Variants in WDFY3 observed in about 807,000 individuals in gnomAD.
WDFY3 encodes the protein WD repeat and FYVE domain-containing protein 3.
In WDFY3, 66 loss-of-function variants were observed where a neutral mutation model predicts 409.6. That is an observed-to-expected ratio of 0.16 (90% CI 0.13 to 0.20). The LOEUF is 0.20. WDFY3 is among the 10% of genes least tolerant of loss of function. WDFY3 has a pLI of 1.00. For missense variants in WDFY3, 3,031 were observed against 4,298.1 expected, an observed-to-expected ratio of 0.71 and a Z score of 8.24; for synonymous variants, 1,521 against 1,537.1, an observed-to-expected ratio of 0.99 and a Z score of 0.25.
chr4:84,690,456 C>CTATGT, intron 61 of WDFY3, 50 bp downstream of exon 61: 2 of 1,613,230 alleles, frequency 1.2e-6, no homozygotes, highest in Non-Finnish European at 1.7e-6. Flanking sequence ...AGGGTGTAGG[C>CTATGT]ACAGGAGATG....
chr4:84,908,917 A>G (rs1448521788), intron 2 of WDFY3, among the ~76,000 whole-genome samples: 1 of 152,104 alleles, frequency 6.6e-6, no homozygotes. Flanking sequence ...TTAAACATCT[A>G]TTCCTAGCAC....
At chr4:84,735,284 T>C (rs1270589171) in intron 42 of WDFY3, among the ~76,000 whole-genome samples, 164 bp from the exon 43 acceptor site, 1 of 152,206 alleles carries the variant, frequency 6.6e-6, no homozygotes, top group Non-Finnish European at 1.5e-5. Flanking sequence ...GCTTGTGTGA[T>C]GGACACAGAT....
At chr4:84,844,145 A>G (rs1337637531) in intron 5 of WDFY3, among the ~76,000 whole-genome samples, 2 of 152,190 alleles carry the variant, frequency 1.3e-5, no homozygotes, top group Non-Finnish European at 2.9e-5. Flanking sequence ...CACTGAGAGT[A>G]AACAAACGAA....
At chr4:84,712,373 T>TAAAAAAAAAAAAAAAAA (rs998951453) in intron 51 of WDFY3, among the ~76,000 whole-genome samples, 5 of 75,064 alleles carry the variant, frequency 6.7e-5, no homozygotes, top group Non-Finnish European at 1.4e-4. Context: ...AGAAAAAAAT[T>TAAAAAAAAAAAAAAAAA]AAAAAAAAAA....
At chr4:84,872,233 G>A (rs1298069687) in intron 3 of WDFY3, among the ~76,000 whole-genome samples, 3 of 151,994 alleles carry the variant, frequency 2.0e-5, no homozygotes, top group East Asian at 1.9e-4. Flanking sequence ...TTGGGAGGCC[G>A]AGGTGGGCAG....
chr4:84,812,137 C>T (rs1206580638), intron 13 of WDFY3, among the ~76,000 whole-genome samples: 5 of 152,048 alleles, frequency 3.3e-5, no homozygotes, highest in Admixed American at 3.3e-4. Flanking sequence ...ACACCTATTC[C>T]TTAATATTTT....
At chr4:84,900,712 A>C (rs1222506044) in intron 2 of WDFY3, among the ~76,000 whole-genome samples, 5 of 152,348 alleles carry the variant, frequency 3.3e-5, no homozygotes, top group Non-Finnish European at 7.3e-5. Flanking sequence ...GGAACAGAAC[A>C]AGGAAGTTTT....
In WDFY3 at chr4:84,670,590, T is replaced by G. The variant is rs182282218; in HGVS notation, c.*2278A>C. The G allele has an allele frequency of 6.5e-6, 1 of 152,682 alleles. No individual in the cohort carries two copies. Among genetic ancestry groups the G allele is most frequent in the Non-Finnish European group, 1.5e-5 (1 of 68,052 alleles). The allele number at this position is 152,682 out of a possible 1,614,324, so 9.5% of individuals were successfully genotyped here. A position where few individuals can be genotyped will look rare whatever the true frequency, so the allele number is the denominator to read the frequency against. ...GAAGTTGTGTCGGAAAGTTTAAAAG[T>G]GTTCATCCCATATAGTTTCCTATTA... is the stretch of plus-strand genomic sequence containing the variant. On this transcript the variant is annotated 3_prime_UTR_variant, in exon 68 of 68. Transcript: ENST00000295888.
intron 3 of WDFY3, among the ~76,000 whole-genome samples, chr4:84,866,555 C>T (rs1475145986): frequency 6.6e-6 from 1 of 152,186 alleles, no homozygotes; most frequent in Non-Finnish European, 1.5e-5. Flanking sequence ...TCAGGCCATC[C>T]CTTCATCTGC....
intron 3 of WDFY3, among the ~76,000 whole-genome samples, chr4:84,895,217 A>G (rs1561024495): frequency 6.6e-6 from 1 of 152,234 alleles, no homozygotes; most frequent in Non-Finnish European, 1.5e-5. Context: ...CTAGTGATGG[A>G]AAGATAAATC....
chr4:84,705,311 G>T, intron 54 of WDFY3, 83 bp downstream of exon 54: 1 of 992,278 alleles, frequency 1.0e-6, no homozygotes, highest in Non-Finnish European at 1.6e-6. Flanking sequence ...ATTTGAAGGA[G>T]GATGTAGGAA....
At chr4:84,761,417 C>T (rs1370694391) in intron 32 of WDFY3, among the ~76,000 whole-genome samples, 2 of 152,072 alleles carry the variant, frequency 1.3e-5, no homozygotes, top group Non-Finnish European at 2.9e-5. Context: ...GTTAAAGTCT[C>T]CCATTATAAA....
chr4:84,868,768 C>T (rs571893474), intron 3 of WDFY3, among the ~76,000 whole-genome samples: 3 of 152,110 alleles, frequency 2.0e-5, no homozygotes, highest in African/African-American at 7.2e-5. Context: ...ATCTTGGGAG[C>T]GGAAATTGCA....
chr4:84,857,190 TGA>T (rs1336432556), intron 4 of WDFY3, among the ~76,000 whole-genome samples: 2 of 152,172 alleles, frequency 1.3e-5, no homozygotes, highest in Admixed American at 6.5e-5. Context: ...TAAAAACTTT[TGA>T]GAGAATTTGT....
intron 4 of WDFY3, among the ~76,000 whole-genome samples, chr4:84,858,732 G>C (rs1760114142): frequency 6.7e-6 from 1 of 149,686 alleles, no homozygotes; most frequent in African/African-American, 2.5e-5. Flanking sequence ...AAATAATATA[G>C]ACAACAAGTG....
intron 53 of WDFY3, among the ~76,000 whole-genome samples, chr4:84,706,347 T>C (rs921206893): frequency 2.0e-5 from 3 of 152,176 alleles, no homozygotes; most frequent in Non-Finnish European, 2.9e-5. Context: ...AAAGTTTATA[T>C]GTAAAGTACC....
chr4:84,916,780 T>G lies in WDFY3; in HGVS notation c.-132+15490A>C, dbSNP rs553756710. ...AAGTTATCAAATGAAAGTAATATAA[T>G]TTCAGTTCAAAATAATTGTAGTACA... On this transcript the variant is annotated intron_variant, in intron 2 of 67. Coordinates refer to ENST00000295888, the MANE Select transcript of WDFY3 (RefSeq NM_014991.6). Among the ~76,000 whole-genome samples, 4 of 152,328 alleles carry G rather than the reference T, an allele frequency of 2.6e-5. No individual in the cohort carries two copies. In the South Asian group the frequency reaches 8.3e-4, roughly 32 times the overall value.
chr4:84,930,521 G>A (rs1770628689), intron 2 of WDFY3, among the ~76,000 whole-genome samples: 1 of 152,174 alleles, frequency 6.6e-6, no homozygotes, highest in Admixed American at 6.5e-5. Flanking sequence ...ACGTGGCGAT[G>A]CCGGATCTGA....
intron 53 of WDFY3, among the ~76,000 whole-genome samples, chr4:84,707,866 G>A (rs1465505064): frequency 6.6e-6 from 1 of 152,168 alleles, no homozygotes; most frequent in African/African-American, 2.4e-5. Context: ...GTACACCCAT[G>A]CATATAGGGT....
Sources: allele counts gnomAD v4.1 joint callset (sites outside exome capture counted in the v4.1 genomes callset), GRCh38; gene constraint gnomAD v4.1.1; transcripts MANE v1.5; gene names NCBI Gene and HGNC (gene_info 2026-07-23, HGNC 2026-07-21).